FDFT1: variants seen among roughly 807,000 people sequenced by gnomAD.
FDFT1 encodes the protein squalene synthase.
A neutral mutation model predicts 46.8 loss-of-function variants in FDFT1; 68 were observed. The observed-to-expected ratio is 1.45, with a 90% CI of 1.19 to 1.78. The LOEUF (loss-of-function observed/expected upper bound fraction) is 1.78, where lower values mean the gene tolerates loss of function less well. Ranked by LOEUF, FDFT1 falls within the 40% of genes most tolerant of loss-of-function variation. The pLI is 0.00. For missense variants in FDFT1, 928 were observed against 524.4 expected, an observed-to-expected ratio of 1.77 and a Z score of -7.52; for synonymous variants, 351 against 185.1, an observed-to-expected ratio of 1.90 and a Z score of -7.28.
chr8:11,828,469 A>AG (rs1810316829), intron 5 of FDFT1, among the ~76,000 whole-genome samples: 5 of 152,198 alleles, frequency 3.3e-5, no homozygotes. Context: ...ATGTATAGTG[A>AG]GGCAGTGGCT....
intron 7 of FDFT1, among the ~76,000 whole-genome samples, chr8:11,836,065 A>G (rs1228303308): frequency 1.3e-5 from 2 of 150,852 alleles, no homozygotes; most frequent in Non-Finnish European, 2.9e-5. Flanking sequence ...AGGCAGGAGA[A>G]TCGCATGAAC....
rs1806301578 is a variant in FDFT1, at chr8:11,802,824, T to C, written c.-9T>C. ...GAGTCGCGCCCGGGAGTCCGCCGCC[T>C]GCGCCAGGATGGAGTTCGTGAAATG... On this transcript the variant is annotated 5_prime_UTR_variant, in exon 1 of 8. Coordinates refer to ENST00000220584, the MANE Select transcript of FDFT1 (RefSeq NM_004462.5). 3 of 1,604,756 alleles carry C rather than the reference T, an allele frequency of 1.9e-6. No homozygotes were observed. The South Asian group carries it at 3.4e-5, about 18-fold the overall frequency.
chr8:11,838,281 C>A, intron 7 of FDFT1, 107 bp from the exon 8 acceptor site: 1 of 831,868 alleles, frequency 1.2e-6, no homozygotes, highest in East Asian at 2.6e-5. Flanking sequence ...TCCCTTTCCT[C>A]ATTGGTAAAA....
chr8:11,831,552 A>G lies in FDFT1; in HGVS notation c.914A>G (p.Asn305Ser), dbSNP rs756434885. 16 of 1,614,052 alleles carry G rather than the reference A, an allele frequency of 9.9e-6. No homozygotes were observed. In the Admixed American group the frequency reaches 2.3e-4, roughly 24 times the overall value. ...ATTGCCACTTTGGCTGCCTGTTATA[A>G]TAACCAGCAGGTGTTCAAAGGGGCA... ...MAIATLAACY[N>S]NQQVFKGAVK... The change falls in exon 7 of 8, where the codon AAT (asparagine) becomes AGT (serine). Residue 305 changes from asparagine (N) to serine (S), a missense_variant. By Grantham distance (46) the Asn-to-Ser change is conservative (BLOSUM62 1). Transcript: ENST00000220584.
intron 5 of FDFT1, among the ~76,000 whole-genome samples, chr8:11,827,630 C>T (rs552808088): frequency 8.6e-4 from 131 of 152,110 alleles, no homozygotes; most frequent in African/African-American, 3.0e-3. Context: ...AGGCCAACTG[C>T]CCCACAGAAA....
chr8:11,830,136 G>C, intron 5 of FDFT1, 108 bp from the exon 6 acceptor site: 1 of 937,906 alleles, frequency 1.1e-6, no homozygotes, highest in South Asian at 1.3e-5. Context: ...GTGAGCCACG[G>C]CGCCCAGCCT....
Position 11,838,481 on chromosome 8 carries a change from C to T in FDFT1, c.1126C>T (p.Leu376=). 6.2e-7 allele frequency: 1 copy of T among 1,605,760 alleles called. No homozygotes were observed. The highest frequency in any genetic ancestry group is 8.5e-7 in the Non-Finnish European group (1 of 1,174,980). ...GACGCAGAATCTTCCCAACTGTCAG[C>T]TGATTTCCCGAAGCCACTACTCCCC... is the stretch of plus-strand genomic sequence containing the variant. The part of the protein sequence containing the change: ...IRTQNLPNCQ[L]ISRSHYSPIY... Residue 376 remains leucine (L), a synonymous_variant, in exon 8 of 8, where the codon CTG becomes TTG. Coordinates refer to ENST00000220584, the MANE Select transcript of FDFT1 (RefSeq NM_004462.5).
chr8:11,824,451 C>T (rs1356820826), intron 4 of FDFT1, among the ~76,000 whole-genome samples: 1 of 152,210 alleles, frequency 6.6e-6, no homozygotes, highest in Non-Finnish European at 1.5e-5. Context: ...AAGCCTGACA[C>T]TTAAGTCATA....
chr8:11,820,801 A>G (rs890890365), intron 3 of FDFT1, among the ~76,000 whole-genome samples: 3 of 152,164 alleles, frequency 2.0e-5, no homozygotes, highest in Non-Finnish European at 4.4e-5. Flanking sequence ...GGAAAGGGAA[A>G]TCCCCTGACC....
At position 11,826,184 on chromosome 8, in the gene FDFT1, A is replaced by G; in HGVS notation, c.671A>G (p.Gln224Arg). The G allele has an allele frequency of 2.5e-6, 4 of 1,580,774 alleles. No individual in the cohort carries two copies. The highest frequency in any genetic ancestry group is 3.5e-6 in the Non-Finnish European group (4 of 1,155,690). ...ATCATCCGTGACTATCTGGAAGACCAGCAAGGAGGAAGAGAGTTCTGGCCT... is the reference window on the plus strand; with the variant it reads ...ATCATCCGTGACTATCTGGAAGACCGGCAAGGAGGAAGAGAGTTCTGGCCT... Reference protein sequence around the residue: ...TNIIRDYLEDQQGGREFWPQE... With the variant: ...TNIIRDYLEDRQGGREFWPQE... Residue 224 changes from glutamine to arginine, a missense_variant, in exon 5 of 8, where the codon CAG becomes CGG. Transcript: ENST00000220584.
At chr8:11,823,994 C>T (rs1452862880) in intron 4 of FDFT1, among the ~76,000 whole-genome samples, 1 of 152,050 alleles carries the variant, frequency 6.6e-6, no homozygotes, top group Admixed American at 6.5e-5. Flanking sequence ...GATTCACCTG[C>T]CTTAGCCTCC....
chr8:11,824,366 G>T (rs913213400), intron 4 of FDFT1, among the ~76,000 whole-genome samples: 4 of 152,224 alleles, frequency 2.6e-5, no homozygotes, highest in South Asian at 2.1e-4. Flanking sequence ...TGAAATCTCT[G>T]TTGAGAGAGG....
At position 11,808,911 on chromosome 8, in the gene FDFT1, C is replaced by G; in HGVS notation, c.197+20C>G. 1.2e-6 allele frequency: 2 copies of G among 1,609,708 alleles called. No individual in the cohort carries two copies. Among genetic ancestry groups the G allele is most frequent in the Non-Finnish European group, 1.7e-6 (2 of 1,178,044 alleles). ...AATGCGGTGAGTGATGGAGGCAGCGCCTCTGGCTTGGAGGAAAGCTTGTCC... is the reference window on the plus strand; with the variant it reads ...AATGCGGTGAGTGATGGAGGCAGCGGCTCTGGCTTGGAGGAAAGCTTGTCC... On this transcript the variant is annotated intron_variant, in intron 2 of 7. Transcript: ENST00000220584.
chr8:11,809,546 T>A, intron 2 of FDFT1, 121 bp from the exon 3 acceptor site: 2 of 1,304,028 alleles, frequency 1.5e-6, no homozygotes, highest in Non-Finnish European at 2.0e-6. Flanking sequence ...TTGGATATCC[T>A]TATAGTTCTT....
intron 1 of FDFT1, chr8:11,796,156 T>A (rs1805542950): frequency 2.0e-5 from 3 of 152,240 alleles, no homozygotes; most frequent in African/African-American, 7.2e-5. Context: ...GATTTGGCAA[T>A]ACAAGGCTAA....
chr8:11,807,412 C>G (rs1263802624), intron 1 of FDFT1, among the ~76,000 whole-genome samples: 1 of 152,206 alleles, frequency 6.6e-6, no homozygotes, highest in African/African-American at 2.4e-5. Context: ...ATTCTCCCAC[C>G]TTGGCCTTCC....
At chr8:11,802,976 C>G (rs753830540) in intron 1 of FDFT1, 45 bp downstream of exon 1, 4 of 1,557,292 alleles carry the variant, frequency 2.6e-6, no homozygotes, top group East Asian at 2.4e-5. Flanking sequence ...AAGGAGCTCG[C>G]TGGGCCGGCC....
chr8:11,803,495 G>GATT, intron 1 of FDFT1: 4 of 1,236,130 alleles, frequency 3.2e-6, no homozygotes, highest in Non-Finnish European at 4.1e-6. Flanking sequence ...AACGTCTATG[G>GATT]ATTAGCTAGG....
intron 5 of FDFT1, among the ~76,000 whole-genome samples, chr8:11,826,844 C>G (rs1411052549): frequency 3.3e-5 from 5 of 152,140 alleles, no homozygotes; most frequent in African/African-American, 4.8e-5. Context: ...GGTTCTTCTG[C>G]TCAGCCCTGA....
Sources: gnomAD v4.1 joint callset for allele counts (sites outside exome capture counted in the v4.1 genomes callset) on GRCh38, gnomAD v4.1.1 for gene constraint, MANE v1.5 for transcripts, NCBI Gene and HGNC (gene_info 2026-07-23, HGNC 2026-07-21) for gene names.